The following SDE2 variants were observed in gnomAD, a reference collection of about 807,000 sequenced individuals.
SDE2 encodes the protein spliceosome associated SDE2.
Under a neutral mutation model 46.9 loss-of-function variants are expected in SDE2, and 31 were observed. That is an observed-to-expected ratio of 0.66 (90% confidence interval 0.50 to 0.89). The LOEUF (loss-of-function observed/expected upper bound fraction) is 0.89, where lower values mean the gene tolerates loss of function less well. SDE2 is among the 40% of genes least tolerant of loss of function. The probability of loss-of-function intolerance (pLI) is 0.00; values close to 1 mark genes in which losing one functional copy is unlikely to be tolerated. For synonymous variants in SDE2, 205 were observed against 204.3 expected, an observed-to-expected ratio of 1.00 and a Z score of -0.03; for missense variants, 542 against 564.4, an observed-to-expected ratio of 0.96 and a Z score of 0.40.
intron 2 of SDE2, 111 bp from the exon 3 acceptor site, chr1:225,993,113 T>TTA: frequency 2.9e-5 from 5 of 173,854 alleles, no homozygotes; most frequent in Non-Finnish European, 5.2e-5. Context: ...TCTACTTTCT[T>TTA]TCTTTTTTTT....
rs1656240579 is a variant in SDE2 at position 225,985,155 on chromosome 1, G to A, written c.*147C>T. 7 of 637,298 alleles carry A rather than the reference G, an allele frequency of 1.1e-5. No homozygotes were observed. The highest frequency in any genetic ancestry group is 5.8e-5 in the South Asian group (3 of 51,836). The allele number at this position is 637,298 out of a possible 1,614,324, so 39.5% of individuals were successfully genotyped here. ...GATGGTTTCAGACATTAATTCTACA[G>A]CCCTGACAAGGAAAAAGGGGATAGT... On this transcript the variant is annotated 3_prime_UTR_variant, in exon 7 of 7. Coordinates refer to ENST00000272091, the MANE Select transcript of SDE2 (RefSeq NM_152608.4).
At chr1:225,993,564 C>T (rs78242005) in intron 2 of SDE2, among the ~76,000 whole-genome samples, 4,402 of 151,674 alleles carry the variant, frequency 0.029, 242 homozygotes, top group African/African-American at 0.1. Flanking sequence ...GTGAGCTGAG[C>T]TCGTGCCACT....
intron 3 of SDE2, 103 bp downstream of exon 3, chr1:225,992,788 A>C: frequency 1.4e-6 from 1 of 713,412 alleles, no homozygotes; most frequent in East Asian, 2.7e-5. Context: ...GGATGTAAAT[A>C]TTTTAAGTTT....
chr1:225,995,214 G>T (rs1032089817), intron 2 of SDE2, 52 bp downstream of exon 2: 1 of 902,118 alleles, frequency 1.1e-6, no homozygotes, highest in Admixed American at 2.0e-5. Flanking sequence ...GAAAATAAAT[G>T]AATAAAGACT....
In SDE2 at chr1:225,985,385, T is replaced by C; in HGVS notation, c.1273A>G (p.Arg425Gly). The change falls in exon 7 of 7, where the codon AGA (arginine) becomes GGA (glycine). Residue 425 changes from arginine to glycine, a missense_variant. By Grantham distance (125) the Arg-to-Gly change is moderately radical. This residue lies in a region of SDE2 where 401 missense variants were observed against 437.8 expected (regional missense o/e 0.92). Coordinates refer to ENST00000272091, the MANE Select transcript of SDE2 (RefSeq NM_152608.4). ...CGGTLQERAA[R>G]LFSVRGLAKE... Reference sequence around the variant, plus strand: ...GCCAGTCCTCTGACAGAGAAGAGTCTTGCTGCCCGCTCCTGCAGAGTGCCC... The same window carrying C: ...GCCAGTCCTCTGACAGAGAAGAGTCCTGCTGCCCGCTCCTGCAGAGTGCCC... 6.2e-7 allele frequency: 1 copy of C among 1,614,248 alleles called. No homozygotes were observed. Among genetic ancestry groups the C allele is most frequent in the Non-Finnish European group, 8.5e-7 (1 of 1,180,038 alleles).
In SDE2 at chr1:225,985,343, GGTCAATTTGCTCCTTTGCCA is replaced by G. The variant is rs762367338; in HGVS notation, c.1295_1314del (p.Leu432ProfsTer38). ...TTCAAAGGCTTGGCAAATAAAGCCG[GGTCAATTTGCTCCTTTGCCA>G]GTCCTCTGACAGAGAAGAGTCTTGC... is the stretch of plus-strand genomic sequence containing the variant. On this transcript the variant is annotated frameshift_variant, in exon 7 of 7. Coordinates refer to ENST00000272091, the MANE Select transcript of SDE2 (RefSeq NM_152608.4). LOFTEE classifies it high-confidence loss of function. 6.2e-7 allele frequency: 1 copy of G among 1,614,174 alleles called. No individual in the cohort carries two copies. The highest frequency in any genetic ancestry group is 2.2e-5 in the East Asian group (1 of 44,882).
rs111766307 is a variant in SDE2 at position 225,984,012 on chromosome 1, C to G, written c.*1290G>C. 5 of 151,646 alleles carry G rather than the reference C, an allele frequency of 3.3e-5. No individual in the cohort carries two copies. The highest frequency in any genetic ancestry group is 1.2e-4 in the African/African-American group (5 of 41,368). The allele number at this position is 151,646 out of a possible 1,614,324, so 9.4% of individuals were successfully genotyped here. ...CTGTAATCCCAGCACTTTGGGAGGC[C>G]AAAGTGGGTGGATCACCTGAGGTCA... On this transcript the variant is annotated 3_prime_UTR_variant, in exon 7 of 7. Coordinates refer to ENST00000272091, the MANE Select transcript of SDE2 (RefSeq NM_152608.4).
chr1:225,993,473 G>T (rs542295128), intron 2 of SDE2, among the ~76,000 whole-genome samples: 1 of 152,208 alleles, frequency 6.6e-6, no homozygotes, highest in East Asian at 1.9e-4. Flanking sequence ...TTAGCCAGGC[G>T]TGGTGGCGGG....
intron 5 of SDE2, among the ~76,000 whole-genome samples, chr1:225,990,748 G>A (rs1031260737): frequency 6.6e-6 from 1 of 152,148 alleles, no homozygotes. Context: ...TGGCCCAAGG[G>A]AAGTCACTGG....
rs1000982584 is a variant in SDE2 at position 225,995,203 on chromosome 1, T to C, written c.238+63A>G. ...GACAGCAAATGTCAGCAGCAGAATA[T>C]GAAAATAAATGAATAAAGACTGCAA... is the stretch of plus-strand genomic sequence containing the variant. On this transcript the variant is annotated intron_variant, in intron 2 of 6. Transcript: ENST00000272091. 15 of 846,892 alleles carry C rather than the reference T, an allele frequency of 1.8e-5. No homozygotes were observed. The South Asian group carries it at 2.0e-4, about 11-fold the overall frequency. 52.5% of individuals were successfully genotyped at this position (846,892 alleles called of 1,614,324 possible).
intron 6 of SDE2, among the ~76,000 whole-genome samples, chr1:225,986,334 T>TTAA (rs1313620557): frequency 6.8e-6 from 1 of 147,238 alleles, no homozygotes; most frequent in Non-Finnish European, 1.5e-5. Context: ...GACTCTGTCA[T>TTAA]TAAAAAAAAA....
At chr1:225,998,912 A>G (rs1656591951) in intron 1 of SDE2, among the ~76,000 whole-genome samples, 1 of 152,184 alleles carries the variant, frequency 6.6e-6, no homozygotes, top group African/African-American at 2.4e-5. Context: ...ATTTACGGAT[A>G]AAGAAAGAGA....
In SDE2 at chr1:225,985,428, G is replaced by A. The variant is rs755760572; in HGVS notation, c.1230C>T (p.Ala410=). 24 of 1,613,932 alleles carry A rather than the reference G, an allele frequency of 1.5e-5. No homozygotes were observed. The Admixed American group carries it at 3.7e-4, about 25-fold the overall frequency. Residue 410 remains alanine (A), a synonymous_variant, in exon 7 of 7, where the codon GCC becomes GCT. Coordinates refer to ENST00000272091, the MANE Select transcript of SDE2 (RefSeq NM_152608.4). ...GAGTGCCCCCACATTTCAGTCCAAGGGCCATCAGTTCACATTTGAGCTTCT... is the reference window on the plus strand; with the variant it reads ...GAGTGCCCCCACATTTCAGTCCAAGAGCCATCAGTTCACATTTGAGCTTCT... The part of the protein sequence containing the change: ...GLEKLKCELM[A]LGLKCGGTLQ...
chr1:225,996,674 C>T (rs369520728), intron 1 of SDE2, among the ~76,000 whole-genome samples: 1 of 152,144 alleles, frequency 6.6e-6, no homozygotes, highest in Non-Finnish European at 1.5e-5. Flanking sequence ...TTCACTGCAA[C>T]GAGGGGAACT....
rs964827871 is a variant in SDE2 at position 225,984,974 on chromosome 1, C to T, written c.*328G>A. The T allele has an allele frequency of 4.8e-5, 14 of 293,458 alleles. No homozygotes were observed. The highest frequency in any genetic ancestry group is 4.1e-4 in the South Asian group (10 of 24,106). The allele number at this position is 293,458 out of a possible 1,614,324, so 18.2% of individuals were successfully genotyped here. On this transcript the variant is annotated 3_prime_UTR_variant, in exon 7 of 7. Coordinates refer to ENST00000272091, the MANE Select transcript of SDE2 (RefSeq NM_152608.4). The stretch of plus-strand genomic sequence containing the variant: ...GGTAAGAAGGGACCATTATAAATAA[C>T]CTTATGTCTACAAATTTGATAACCT...
chr1:225,999,296 G>T lies in SDE2; in HGVS notation c.17C>A (p.Ala6Glu). The change falls in exon 1 of 7, where the codon GCG becomes GAG. Residue 6 changes from alanine to glutamate, a missense_variant. Physicochemically the swap from Ala to Glu is moderately radical, Grantham distance 107. Around this residue, in one of 3 missense-constraint regions of SDE2, gnomAD observed 135 missense variants for 106.5 expected, o/e 1.27. Transcript: ENST00000272091. ...GCCAGGGCCGCGAATCCACACCAGCGCCGCGGCCTCCGCCATGTCACCGAC... is the reference window on the plus strand; with the variant it reads ...GCCAGGGCCGCGAATCCACACCAGCTCCGCGGCCTCCGCCATGTCACCGAC... MAEAA[A>E]LVWIRGPGFG... The T allele has an allele frequency of 1.9e-6, 3 of 1,611,428 alleles. No individual in the cohort carries two copies. The highest frequency in any genetic ancestry group is 2.5e-6 in the Non-Finnish European group (3 of 1,179,064).
chr1:225,992,530 C>G lies in SDE2; in HGVS notation c.388G>C (p.Ala130Pro). The G allele has an allele frequency of 6.2e-7, 1 of 1,611,452 alleles. No homozygotes were observed. The highest frequency in any genetic ancestry group is 8.5e-7 in the Non-Finnish European group (1 of 1,179,838). Residue 130 changes from alanine (A) to proline (P), a missense_variant, in exon 4 of 7, where the codon GCT becomes CCT. Around this residue, in one of 3 missense-constraint regions of SDE2, gnomAD observed 401 missense variants for 437.8 expected, o/e 0.92. Transcript: ENST00000272091. The part of the protein sequence containing the change: ...EWVKQQAERE[A>P]EKEQKRLERL... ...TCCAGCCGCTTCTGCTCCTTTTCAGCCTCTCGCTCGGCTTGTTGTTTTACC... is the reference window on the plus strand; with the variant it reads ...TCCAGCCGCTTCTGCTCCTTTTCAGGCTCTCGCTCGGCTTGTTGTTTTACC...
Position 225,995,382 on chromosome 1 carries a change from T to C in SDE2, c.122A>G (p.Asn41Ser), listed in dbSNP as rs777849273. The C allele has an allele frequency of 2.6e-6, 4 of 1,564,972 alleles. No homozygotes were observed. The highest frequency in any genetic ancestry group is 3.4e-5 in the Admixed American group (2 of 58,886). The change falls in exon 2 of 7, where the codon AAT (asparagine) becomes AGT (serine). Residue 41 changes from asparagine to serine, a missense_variant and splice_region_variant. Physicochemically the swap from Asn to Ser is conservative, Grantham distance 46 (BLOSUM62 1). Coordinates refer to ENST00000272091, the MANE Select transcript of SDE2 (RefSeq NM_152608.4). ...DFIHRHCQDQ[N>S]VPVENFFVKC... The stretch of plus-strand genomic sequence containing the variant: ...CACAAAGAAGTTTTCCACTGGAACA[T>C]TCTAGAGACAAATTTGTTTTTTTAA...
chr1:225,983,530 AC>A lies in SDE2; in HGVS notation c.*1771del, dbSNP rs1289003119. On this transcript the variant is annotated 3_prime_UTR_variant, in exon 7 of 7. Coordinates refer to ENST00000272091, the MANE Select transcript of SDE2 (RefSeq NM_152608.4). ...CTCATCGATATTACAAAACATATTAACCCAACAATTCAAATTACATATTGTT... is the reference window on the plus strand; with the variant it reads ...CTCATCGATATTACAAAACATATTAACCAACAATTCAAATTACATATTGTT... 2 of 152,182 alleles carry A rather than the reference AC, an allele frequency of 1.3e-5. No individual in the cohort carries two copies. The highest frequency in any genetic ancestry group is 2.9e-5 in the Non-Finnish European group (2 of 68,024). 9.4% of individuals were successfully genotyped at this position (152,182 alleles called of 1,614,324 possible).
Sources: allele counts gnomAD v4.1 joint callset (sites outside exome capture counted in the v4.1 genomes callset), GRCh38; gene constraint gnomAD v4.1.1; regional missense constraint gnomAD v4.1.1; transcripts MANE v1.5; gene names NCBI Gene and HGNC (gene_info 2026-07-23, HGNC 2026-07-21).